The following MAPKBP1 variants were observed in gnomAD, a reference collection of about 807,000 sequenced individuals.
The protein encoded by MAPKBP1 is mitogen-activated protein kinase-binding protein 1.
A neutral mutation model predicts 170.5 loss-of-function variants in MAPKBP1; 71 were observed. The observed-to-expected ratio is 0.42, with a 90% CI of 0.34 to 0.51. The LOEUF (loss-of-function observed/expected upper bound fraction) is 0.51, where lower values mean the gene tolerates loss of function less well. Among genes scored for constraint, MAPKBP1 ranks in the 20% least tolerant of loss-of-function variants. The pLI, the probability that MAPKBP1 is intolerant of heterozygous loss-of-function variation, is 0.06. For missense variants in MAPKBP1, 1,598 were observed against 1,933.0 expected (o/e 0.83, Z 3.25); for synonymous variants, 719 against 757.9 (o/e 0.95, Z 0.84).
At position 41,811,685 on chromosome 15, in the gene MAPKBP1, C is replaced by T. The variant is rs1370749279; in HGVS notation, c.328-272C>T. ...TGGTAGTGGCTCTCAATGCCGGCTG[C>T]CCATCAGAACCATTCAGGGAGCTTT... On this transcript the variant is annotated intron_variant, in intron 5 of 30. Transcript: ENST00000457542. 6.1e-6 allele frequency: 4 copies of T among 656,012 alleles called. No homozygotes were observed. In the Admixed American group the frequency reaches 8.2e-5, roughly 14 times the overall value. The allele number at this position is 656,012 out of a possible 1,614,324, so 40.6% of individuals were successfully genotyped here.
In MAPKBP1 at chr15:41,819,285, C is replaced by G. The variant is rs1319187733; in HGVS notation, c.2331C>G (p.Leu777=). 1.2e-6 allele frequency: 2 copies of G among 1,614,080 alleles called. No individual in the cohort carries two copies. The highest frequency in any genetic ancestry group is 1.7e-6 in the Non-Finnish European group (2 of 1,180,050). The change falls in exon 21 of 31, where the codon CTC becomes CTG. Residue 777 remains leucine, a synonymous_variant. Transcript: ENST00000457542. ...APSMLSPGPA[L]SSDSDKEGED... is the part of the protein sequence containing the mutation. The stretch of plus-strand genomic sequence containing the variant: ...CAATGCTGTCTCCTGGACCGGCTCT[C>G]TCATCAGACAGTGACAAGGAGGGAG...
intron 23 of MAPKBP1, 97 bp from the exon 24 acceptor site, chr15:41,821,487 G>C: frequency 8.8e-7 from 1 of 1,136,102 alleles, no homozygotes; most frequent in Non-Finnish European, 1.3e-6. Context: ...TTCTCCAAGG[G>C]GAGGGTTGGC....
At chr15:41,804,654 C>T (rs1298553972) in intron 3 of MAPKBP1, among the ~76,000 whole-genome samples, 1 of 152,214 alleles carries the variant, frequency 6.6e-6, no homozygotes, top group Non-Finnish European at 1.5e-5. Flanking sequence ...TGTGCTTATG[C>T]ATGTTTATGA....
chr15:41,820,810 C>G, intron 22 of MAPKBP1, 22 bp from the exon 23 acceptor site: 1 of 1,587,732 alleles, frequency 6.3e-7, no homozygotes, highest in Non-Finnish European at 8.6e-7. Context: ...TTACTCCTCC[C>G]CCACCCCCTA....
intron 24 of MAPKBP1, 34 bp downstream of exon 24, chr15:41,821,784 C>A (rs1333294306): frequency 1.2e-6 from 2 of 1,609,626 alleles, no homozygotes; most frequent in Non-Finnish European, 1.7e-6. Flanking sequence ...CCCCGTGCCC[C>A]CGTCTTCCCC....
rs556235123 is a variant in MAPKBP1, at chr15:41,788,118, C to T, written c.115-11705C>T. Among the ~76,000 whole-genome samples, 8 of 152,076 alleles carry T rather than the reference C, an allele frequency of 5.3e-5. No homozygotes were observed. The South Asian group carries it at 8.3e-4, about 16-fold the overall frequency. ...GATTACAGGCACGTACCACCATGCC[C>T]GGCTAATTTTTGTATTCTTATTAGA... On this transcript the variant is annotated intron_variant, in intron 2 of 30. Coordinates refer to ENST00000457542, the MANE Select transcript of MAPKBP1 (RefSeq NM_014994.3).
At chr15:41,778,412 G>A (rs936607538) in intron 2 of MAPKBP1, among the ~76,000 whole-genome samples, 1 of 152,308 alleles carries the variant, frequency 6.6e-6, no homozygotes, top group South Asian at 2.1e-4. Flanking sequence ...TAATTCAGGG[G>A]AGACCTAGTT....
chr15:41,818,604 T>G lies in MAPKBP1; in HGVS notation c.2156+22T>G, dbSNP rs750331178. ...ACAGGTGAGCAGAAGCCAGCTTCCCTGAGAGGCAGATTCTTACTCTGCCAC... is the reference window on the plus strand; with the variant it reads ...ACAGGTGAGCAGAAGCCAGCTTCCCGGAGAGGCAGATTCTTACTCTGCCAC... On this transcript the variant is annotated intron_variant, in intron 19 of 30. Coordinates refer to ENST00000457542, the MANE Select transcript of MAPKBP1 (RefSeq NM_014994.3). The surrounding 1 kb of genome is among the most constrained non-coding windows in gnomAD (Gnocchi z 5.2). 6.2e-7 allele frequency: 1 copy of G among 1,604,078 alleles called. No individual in the cohort carries two copies.
intron 25 of MAPKBP1, 25 bp from the exon 26 acceptor site, chr15:41,822,200 G>A (rs375722838): frequency 1.5e-5 from 24 of 1,607,248 alleles, no homozygotes; most frequent in African/African-American, 4.0e-5. Context: ...GCAGTGCGAT[G>A]CCTCTCTCCC....
intron 4 of MAPKBP1, 102 bp from the exon 5 acceptor site, chr15:41,811,076 G>T: frequency 2.6e-6 from 4 of 1,526,390 alleles, no homozygotes; most frequent in Non-Finnish European, 2.7e-6. Flanking sequence ...AGTGCCACAT[G>T]TGCCATTGGT....
rs541710962 is a variant in MAPKBP1, at chr15:41,786,648, C to T, written c.114+11259C>T. On this transcript the variant is annotated intron_variant, in intron 2 of 30. Coordinates refer to ENST00000457542, the MANE Select transcript of MAPKBP1 (RefSeq NM_014994.3). ...GGCGTGGTGGCGGGTGCCCGTAGTC[C>T]CAGCTACTCAGGAGGCTGAGGCAAG... 6.8e-3 allele frequency among the ~76,000 whole-genome samples: 1,022 copies of T among 149,496 alleles called. 9 individuals are homozygous for T. The highest frequency in any genetic ancestry group is 0.01 in the Non-Finnish European group (705 of 67,346).
chr15:41,801,693 TA>T (rs1226899082), intron 3 of MAPKBP1, among the ~76,000 whole-genome samples: 9 of 152,034 alleles, frequency 5.9e-5, no homozygotes, highest in Non-Finnish European at 1.2e-4. Flanking sequence ...ACTAAAAACA[TA>T]AAAAAATTTG....
rs61729965 is a variant in MAPKBP1 at position 41,820,998 on chromosome 15, C to T, written c.2648C>T (p.Ser883Leu). 1.1e-3 allele frequency: 1,781 copies of T among 1,614,166 alleles called. 14 individuals carry two copies. The African/African-American group carries it at 0.017, about 15-fold the overall frequency. ...APSLQDPSQDSLAIIPSGPRK... is the reference protein window; with the variant it reads ...APSLQDPSQDLLAIIPSGPRK... The stretch of plus-strand genomic sequence containing the variant: ...AGCCTGCAGGACCCTAGCCAGGACT[C>T]GCTGGCCATCATCCCATCTGGTCCC... The change falls in exon 23 of 31, where the codon TCG (serine) becomes TTG (leucine). Residue 883 changes from serine (S) to leucine (L), a missense_variant. Coordinates refer to ENST00000457542, the MANE Select transcript of MAPKBP1 (RefSeq NM_014994.3).
intron 8 of MAPKBP1, 162 bp downstream of exon 8, chr15:41,813,263 G>A (rs1455770978): frequency 4.6e-6 from 7 of 1,510,744 alleles, no homozygotes; most frequent in South Asian, 2.3e-5. Flanking sequence ...CCAGCCCTTG[G>A]TGATCTGTAT....
chr15:41,792,569 CTTCT>C (rs1292181377), intron 2 of MAPKBP1, among the ~76,000 whole-genome samples: 2 of 152,188 alleles, frequency 1.3e-5, no homozygotes, highest in Non-Finnish European at 2.9e-5. Flanking sequence ...TCTCTTCTTC[CTTCT>C]GAGTTTCCAC....
chr15:41,790,843 C>T (rs1002616055), intron 2 of MAPKBP1, among the ~76,000 whole-genome samples: 2 of 152,162 alleles, frequency 1.3e-5, no homozygotes, highest in African/African-American at 4.8e-5. Context: ...AATGAGTTAG[C>T]CTGGGCATGA....
chr15:41,799,503 A>G (rs1326346333), intron 2 of MAPKBP1, among the ~76,000 whole-genome samples: 1 of 152,140 alleles, frequency 6.6e-6, no homozygotes, highest in Non-Finnish European at 1.5e-5. Flanking sequence ...GCTCTAGCTT[A>G]TACATGGTAC....
At chr15:41,824,703 C>A in intron 30 of MAPKBP1, 134 bp downstream of exon 30, 1 of 923,878 alleles carries the variant, frequency 1.1e-6, no homozygotes. Context: ...TCTTGGGCAG[C>A]ATAGGTGAGG....
rs3959569 is a variant in MAPKBP1, at chr15:41,823,549, G to A, written c.3701G>A (p.Arg1234His). The part of the protein sequence containing the change: ...GLGSLPPADG[R>H]PSRPHSYQNP... Reference sequence around the variant, plus strand: ...GGCTCCCTGCCCCCAGCTGATGGCCGTCCGTCTCGGCCTCACTCCTATCAG... The same window carrying A: ...GGCTCCCTGCCCCCAGCTGATGGCCATCCGTCTCGGCCTCACTCCTATCAG... The change falls in exon 29 of 31, where the codon CGT becomes CAT. Residue 1234 changes from arginine to histidine, a missense_variant. Transcript: ENST00000457542. The A allele has an allele frequency of 2.0e-5, 33 of 1,613,968 alleles. No homozygotes were observed. Among genetic ancestry groups the A allele is most frequent in the South Asian group, 1.8e-4 (16 of 91,076 alleles).
Sources: allele counts gnomAD v4.1 joint callset (sites outside exome capture counted in the v4.1 genomes callset), GRCh38; gene constraint gnomAD v4.1.1; non-coding constraint Gnocchi (gnomAD v3.1); transcripts MANE v1.5; gene names NCBI Gene and HGNC (gene_info 2026-07-23, HGNC 2026-07-21).